The following RALGPS2 variants were observed in gnomAD, a reference collection of about 807,000 sequenced individuals.
The protein encoded by RALGPS2 is Ral GEF with PH domain and SH3 binding motif 2, also known as ras-specific guanine nucleotide-releasing factor RalGPS2.
Under a neutral mutation model 86.8 loss-of-function variants are expected in RALGPS2, and 43 were observed. That is an observed-to-expected ratio of 0.50 (90% CI 0.39 to 0.64). RALGPS2 has a LOEUF of 0.64. Among genes scored for constraint, RALGPS2 ranks in the 30% least tolerant of loss-of-function variants. RALGPS2 has a pLI of 0.00. For synonymous variants in RALGPS2, 243 were observed against 231.3 expected (o/e 1.05, Z -0.46); for missense variants, 536 against 694.6 (o/e 0.77, Z 2.57).
At chr1:178,740,572 C>T (rs1650964647) in intron 1 of RALGPS2, among the ~76,000 whole-genome samples, 1 of 152,036 alleles carries the variant, frequency 6.6e-6, no homozygotes, top group African/African-American at 2.4e-5. Flanking sequence ...CTATGAATTA[C>T]AGAAATGATA....
At chr1:178,803,835 T>C (rs544862721) in intron 4 of RALGPS2, among the ~76,000 whole-genome samples, 1 of 152,300 alleles carries the variant, frequency 6.6e-6, no homozygotes, top group African/African-American at 2.4e-5. Flanking sequence ...GTATTCCCTA[T>C]CTCAGTTGCT....
At chr1:178,737,433 A>T (rs996072321) in intron 1 of RALGPS2, among the ~76,000 whole-genome samples, 4 of 151,972 alleles carry the variant, frequency 2.6e-5, no homozygotes, top group Non-Finnish European at 5.9e-5. Context: ...TTTTTAGTAG[A>T]GACGGGGTTT....
At chr1:178,874,092 A>C (rs1658890947) in intron 8 of RALGPS2, among the ~76,000 whole-genome samples, 1 of 152,192 alleles carries the variant, frequency 6.6e-6, no homozygotes, top group Non-Finnish European at 1.5e-5. Flanking sequence ...AAAAATAGGC[A>C]AAAGTAGGAA....
intron 4 of RALGPS2, among the ~76,000 whole-genome samples, chr1:178,789,765 T>C (rs1653858780): frequency 6.6e-6 from 1 of 152,218 alleles, no homozygotes. Context: ...CACCAGATTT[T>C]AAGCTACATG....
chr1:178,813,858 A>G (rs1655105475), intron 6 of RALGPS2, among the ~76,000 whole-genome samples: 1 of 152,246 alleles, frequency 6.6e-6, no homozygotes, highest in Non-Finnish European at 1.5e-5. Context: ...TGTTAACCGC[A>G]TCTACAAAAT....
chr1:178,823,031 A>G (rs1308152510), intron 7 of RALGPS2, among the ~76,000 whole-genome samples: 1 of 152,150 alleles, frequency 6.6e-6, no homozygotes, highest in African/African-American at 2.4e-5. Flanking sequence ...TGTGTTGTCC[A>G]GGCTGTTTTC....
At chr1:178,895,182 T>C (rs1204434322) in intron 16 of RALGPS2, among the ~76,000 whole-genome samples, 1 of 152,064 alleles carries the variant, frequency 6.6e-6, no homozygotes, top group Admixed American at 6.6e-5. Context: ...TTTTTCCCTT[T>C]CTCAAATTTG....
intron 8 of RALGPS2, among the ~76,000 whole-genome samples, chr1:178,835,220 G>A (rs56938783): frequency 0.052 from 7,952 of 152,174 alleles, 724 homozygotes; most frequent in African/African-American, 0.18. Flanking sequence ...AAGAACATTA[G>A]ACTGAGAATT....
At chr1:178,865,553 GT>G in intron 8 of RALGPS2, 1 of 1,614,028 alleles carries the variant, frequency 6.2e-7, no homozygotes, top group Non-Finnish European at 8.5e-7. Flanking sequence ...GTCTTTAATG[GT>G]ACTTGCATCT....
At chr1:178,752,379 G>C (rs887214301) in intron 1 of RALGPS2, among the ~76,000 whole-genome samples, 2 of 151,322 alleles carry the variant, frequency 1.3e-5, no homozygotes, top group East Asian at 3.9e-4. Context: ...GCCTAGGCTG[G>C]TCTCAAACTC....
At chr1:178,752,295 C>T (rs1651720965) in intron 1 of RALGPS2, among the ~76,000 whole-genome samples, 1 of 151,164 alleles carries the variant, frequency 6.6e-6, no homozygotes. Flanking sequence ...AGGCATGAAC[C>T]ACCATGCCCA....
At chr1:178,913,627 A>G (rs1399200570) in intron 19 of RALGPS2, among the ~76,000 whole-genome samples, 1 of 152,154 alleles carries the variant, frequency 6.6e-6, no homozygotes, top group African/African-American at 2.4e-5. Context: ...TATCCTTTGA[A>G]GTTGCTGACT....
At chr1:178,743,064 TA>T (rs929477990) in intron 1 of RALGPS2, among the ~76,000 whole-genome samples, 6 of 151,942 alleles carry the variant, frequency 3.9e-5, no homozygotes, top group African/African-American at 1.5e-4. Flanking sequence ...AACATTTTTT[TA>T]AAAAAAATTA....
chr1:178,729,201 T>G (rs2811284), intron 1 of RALGPS2, among the ~76,000 whole-genome samples: 109,732 of 151,940 alleles, frequency 0.72, 39,868 homozygotes, highest in East Asian at 0.87. Context: ...TTGTTGTTCT[T>G]GCAGAAGTGT....
intron 2 of RALGPS2, among the ~76,000 whole-genome samples, chr1:178,779,856 C>A (rs1046347589): frequency 6.6e-6 from 1 of 152,184 alleles, no homozygotes; most frequent in African/African-American, 2.4e-5. Flanking sequence ...GCCTCAGCCT[C>A]CCCAGTAGCT....
At chr1:178,890,497 G>A (rs1292568628) in intron 14 of RALGPS2, among the ~76,000 whole-genome samples, 1 of 151,794 alleles carries the variant, frequency 6.6e-6, no homozygotes, top group African/African-American at 2.4e-5. Flanking sequence ...ACTCAAGCGG[G>A]TCATTTAGAT....
Position 178,885,356 on chromosome 1 carries a change from G to A in RALGPS2, c.1040+145G>A. 6.5e-6 allele frequency: 5 copies of A among 773,382 alleles called. No individual in the cohort carries two copies. In the South Asian group the frequency reaches 1.2e-4, roughly 18 times the overall value. 47.9% of individuals were successfully genotyped at this position (773,382 alleles called of 1,614,324 possible). ...GTTTTCTGATTCAGTAAAATGCCTT[G>A]TTTGCCTAAAAGCTTTTATTTCTTA... On this transcript the variant is annotated intron_variant, in intron 12 of 19. Transcript: ENST00000367635.
At chr1:178,726,093 C>T (rs1435857008) in intron 1 of RALGPS2, 2 of 152,354 alleles carry the variant, frequency 1.3e-5, no homozygotes, top group African/African-American at 2.4e-5. Flanking sequence ...GCTCTACGGC[C>T]TGGAACCGGG....
Position 178,885,126 on chromosome 1 carries a change from G to A in RALGPS2, c.955G>A (p.Glu319Lys), listed in dbSNP as rs771749153. 3 of 1,612,948 alleles carry A rather than the reference G, an allele frequency of 1.9e-6. No individual in the cohort carries two copies. Among genetic ancestry groups the A allele is most frequent in the Non-Finnish European group, 1.7e-6 (2 of 1,179,590 alleles). Residue 319 changes from glutamate to lysine, a missense_variant, in exon 12 of 20, where the codon GAA becomes AAA. Physicochemically the swap from Glu to Lys is moderately conservative, Grantham distance 56. Coordinates refer to ENST00000367635, the MANE Select transcript of RALGPS2 (RefSeq NM_152663.5). ...PQSGRKSVAA[E>K]GALLPQTPPS... is the part of the protein sequence containing the mutation. Reference sequence around the variant, plus strand: ...GAGTGGACGAAAAAGTGTGGCAGCTGAAGGAGCCTTGCTCCCACAGACACC... The same window carrying A: ...GAGTGGACGAAAAAGTGTGGCAGCTAAAGGAGCCTTGCTCCCACAGACACC...
Sources: gnomAD v4.1 joint callset for allele counts (sites outside exome capture counted in the v4.1 genomes callset) on GRCh38, gnomAD v4.1.1 for gene constraint, MANE v1.5 for transcripts, NCBI Gene and HGNC (gene_info 2026-07-23, HGNC 2026-07-21) for gene names.